TMTC2: variants seen among roughly 807,000 people sequenced by gnomAD.
TMTC2 encodes the protein transmembrane O-mannosyltransferase targeting cadherins 2.
TMTC2 carries 43 observed loss-of-function variants against 82.4 expected under a neutral mutation model. That is an observed-to-expected ratio of 0.52 (90% CI 0.41 to 0.67). The LOEUF (loss-of-function observed/expected upper bound fraction) is 0.67. Among genes scored for constraint, TMTC2 ranks in the 30% least tolerant of loss-of-function variants. The probability of loss-of-function intolerance (pLI) is 0.00; values close to 1 mark genes in which losing one functional copy is unlikely to be tolerated. For synonymous variants in TMTC2, 408 were observed against 381.9 expected (o/e 1.07, Z -0.80); for missense variants, 919 against 1,012.4 (o/e 0.91, Z 1.25).
At position 82,781,399 on chromosome 12, in the gene TMTC2, C is replaced by CTTT. The variant is rs71068954; in HGVS notation, c.84-75592_84-75590dup. On this transcript the variant is annotated intron_variant, in intron 1 of 11. Transcript: ENST00000321196. ...ATAGAGTATGTGTGTGGAGTTTGCT[C>CTTT]TTTTTTTTTTTTTTTTTTTTTAGCA... Among the ~76,000 whole-genome samples the CTTT allele has an allele frequency of 7.8e-4, 95 of 121,090 alleles. 6 individuals carry two copies. The highest frequency in any genetic ancestry group is 1.9e-3 in the African/African-American group (62 of 32,144). 79.4% of individuals were successfully genotyped at this position (121,090 alleles called of 152,430 possible). A position where few individuals can be genotyped will look rare whatever the true frequency, so the allele number is the denominator to read the frequency against.
At chr12:82,978,714 T>C (rs1243795469) in intron 7 of TMTC2, among the ~76,000 whole-genome samples, 1 of 151,818 alleles carries the variant, frequency 6.6e-6, no homozygotes, top group African/African-American at 2.4e-5. Flanking sequence ...ATTTGCTCTA[T>C]AGTGCCAATT....
intron 9 of TMTC2, among the ~76,000 whole-genome samples, chr12:83,046,824 A>G (rs139747269): frequency 6.6e-6 from 1 of 152,304 alleles, no homozygotes; most frequent in African/African-American, 2.4e-5. Flanking sequence ...TGCCACATGT[A>G]CTAAAAGTGG....
At chr12:83,047,376 A>G (rs558398731) in intron 9 of TMTC2, among the ~76,000 whole-genome samples, 8 of 152,328 alleles carry the variant, frequency 5.3e-5, no homozygotes, top group African/African-American at 1.9e-4. Flanking sequence ...AGTTCTATGT[A>G]TTCGAAATGT....
At position 82,737,878 on chromosome 12, in the gene TMTC2, A is replaced by G. The variant is rs143813154; in HGVS notation, c.83+50209A>G. ...CCTAAATACCAGTGCCCAAAGGGAG[A>G]CAGTTCCCTGATGTTATTCTTCCAA... is the stretch of plus-strand genomic sequence containing the variant. On this transcript the variant is annotated intron_variant, in intron 1 of 11. Coordinates refer to ENST00000321196, the MANE Select transcript of TMTC2 (RefSeq NM_152588.3). Among the ~76,000 whole-genome samples the G allele has an allele frequency of 2.2e-3, 332 of 152,330 alleles. 1 individual carries two copies. The highest frequency in any genetic ancestry group is 7.5e-3 in the African/African-American group (311 of 41,582).
chr12:82,761,945 T>TCTTTC (rs1417810032), intron 1 of TMTC2, among the ~76,000 whole-genome samples: 2 of 149,668 alleles, frequency 1.3e-5, no homozygotes, highest in Non-Finnish European at 3.0e-5. Flanking sequence ...CTTCCTTCTT[T>TCTTTC]CTTTCCTTTC....
chr12:83,131,119 T>C (rs1885244790), intron 11 of TMTC2, among the ~76,000 whole-genome samples: 1 of 152,218 alleles, frequency 6.6e-6, no homozygotes, highest in Admixed American at 6.5e-5. Flanking sequence ...TGAAGGACAA[T>C]TAATAGTTGA....
At chr12:83,058,036 A>G (rs1012835082) in intron 10 of TMTC2, among the ~76,000 whole-genome samples, 7 of 151,856 alleles carry the variant, frequency 4.6e-5, no homozygotes, top group African/African-American at 1.7e-4. Flanking sequence ...ATTCTATTAC[A>G]TTATTGATTC....
In TMTC2 at chr12:82,997,429, C is replaced by T. The variant is rs55783073; in HGVS notation, c.2070+11383C>T. Among the ~76,000 whole-genome samples, 180 of 34,800 alleles carry T rather than the reference C, an allele frequency of 5.2e-3. 6 individuals carry two copies. Among genetic ancestry groups the T allele is most frequent in the African/African-American group, 0.015 (171 of 11,106 alleles). The allele number at this position is 34,800 out of a possible 152,430, so 22.8% of individuals were successfully genotyped here. A position where few individuals can be genotyped will look rare whatever the true frequency, so the allele number is the denominator to read the frequency against. On this transcript the variant is annotated intron_variant, in intron 8 of 11. Coordinates refer to ENST00000321196, the MANE Select transcript of TMTC2 (RefSeq NM_152588.3). Reference sequence around the variant, plus strand: ...ATATATGTGTATATATATATATATACACACAGAGAGAGAGAACTATAATAT... The same window carrying T: ...ATATATGTGTATATATATATATATATACACAGAGAGAGAGAACTATAATAT...
At chr12:83,028,932 T>C (rs1881296654) in intron 8 of TMTC2, among the ~76,000 whole-genome samples, 1 of 152,210 alleles carries the variant, frequency 6.6e-6, no homozygotes, top group Non-Finnish European at 1.5e-5. Flanking sequence ...TTACTGCTAT[T>C]TGACAAGACT....
At chr12:83,079,634 A>G (rs540096380) in intron 11 of TMTC2, among the ~76,000 whole-genome samples, 1 of 152,288 alleles carries the variant, frequency 6.6e-6, no homozygotes, top group South Asian at 2.1e-4. Context: ...TATCATAGGC[A>G]TTCATACTTC....
intron 8 of TMTC2, among the ~76,000 whole-genome samples, chr12:83,022,256 C>T (rs1408249853): frequency 1.3e-5 from 2 of 151,950 alleles, no homozygotes; most frequent in Non-Finnish European, 2.9e-5. Context: ...CTTGATAGGC[C>T]CAAAGACTCC....
intron 4 of TMTC2, among the ~76,000 whole-genome samples, chr12:82,933,247 T>C (rs1876140576): frequency 1.3e-5 from 2 of 152,194 alleles, no homozygotes; most frequent in Admixed American, 1.3e-4. Flanking sequence ...AATAATTCTA[T>C]TTTAAAATAG....
intron 1 of TMTC2, chr12:82,758,681 G>A (rs572726716): frequency 1.3e-5 from 2 of 152,298 alleles, no homozygotes; most frequent in African/African-American, 4.8e-5. Flanking sequence ...AAATAAAACT[G>A]TGGAATCATT....
At chr12:82,852,830 G>A (rs920909267) in intron 1 of TMTC2, among the ~76,000 whole-genome samples, 5 of 152,174 alleles carry the variant, frequency 3.3e-5, no homozygotes, top group African/African-American at 7.2e-5. Context: ...GTGGTGTAAT[G>A]CATCCCTTAT....
intron 7 of TMTC2, among the ~76,000 whole-genome samples, chr12:82,979,437 T>G (rs904299476): frequency 1.3e-5 from 2 of 151,732 alleles, no homozygotes; most frequent in South Asian, 4.1e-4. Flanking sequence ...AGAAAAAGAT[T>G]AATAAACAAG....
At chr12:83,112,306 G>T (rs1457610423) in intron 11 of TMTC2, among the ~76,000 whole-genome samples, 1 of 152,112 alleles carries the variant, frequency 6.6e-6, no homozygotes, top group African/African-American at 2.4e-5. Flanking sequence ...CTGAAGACTA[G>T]CCACGTGCAT....
intron 1 of TMTC2, among the ~76,000 whole-genome samples, chr12:82,812,789 T>G (rs910231013): frequency 1.3e-5 from 2 of 152,060 alleles, no homozygotes; most frequent in Admixed American, 6.6e-5. Flanking sequence ...AGAAAAATAT[T>G]GATAATTAAC....
At chr12:82,941,039 C>T (rs763307293) in intron 4 of TMTC2, among the ~76,000 whole-genome samples, 9 of 151,902 alleles carry the variant, frequency 5.9e-5, no homozygotes, top group East Asian at 5.8e-4. Context: ...AATACCATAA[C>T]GGAGAATACA....
chr12:82,731,799 G>A (rs1874822168), intron 1 of TMTC2, among the ~76,000 whole-genome samples: 1 of 152,142 alleles, frequency 6.6e-6, no homozygotes, highest in Admixed American at 6.6e-5. Context: ...AATTTTACAT[G>A]GAATGGTTTG....
Sources: allele counts gnomAD v4.1 joint callset (sites outside exome capture counted in the v4.1 genomes callset), GRCh38; gene constraint gnomAD v4.1.1; transcripts MANE v1.5; gene names NCBI Gene and HGNC (gene_info 2026-07-23, HGNC 2026-07-21).